Variants in HSD17B11 observed in about 807,000 individuals in gnomAD.
The protein encoded by HSD17B11 is estradiol 17-beta-dehydrogenase 11.
In HSD17B11, 22 loss-of-function variants were observed where a neutral mutation model predicts 27.8. The observed-to-expected ratio is 0.79, with a 90% CI of 0.56 to 1.13. The LOEUF is 1.13. Ranked by LOEUF, HSD17B11 falls within the 50% of genes most tolerant of loss-of-function variation. The pLI is 0.00. For missense variants in HSD17B11, 314 were observed against 351.1 expected, an observed-to-expected ratio of 0.89 and a Z score of 0.84; for synonymous variants, 117 against 132.8, an observed-to-expected ratio of 0.88 and a Z score of 0.82.
intron 4 of HSD17B11, among the ~76,000 whole-genome samples, chr4:87,370,443 GTC>G (rs1273656405): frequency 6.6e-6 from 1 of 151,850 alleles, no homozygotes; most frequent in Non-Finnish European, 1.5e-5. Context: ...TTGAGACGAA[GTC>G]TCTCTCTGTT....
At chr4:87,390,815 C>T (rs753861697) in intron 1 of HSD17B11, 46 bp downstream of exon 1, 1 of 1,554,634 alleles carries the variant, frequency 6.4e-7, no homozygotes, top group South Asian at 1.1e-5. Flanking sequence ...CAGACACATC[C>T]ACAAATTAAA....
Position 87,340,609 on chromosome 4 carries a change from GAA to G in HSD17B11, c.696-5_696-4del, listed in dbSNP as rs780427786. The stretch of plus-strand genomic sequence containing the variant: ...CAGGTTCCAGAGTGGGTCCCAAACT[GAA>G]ATCAGAGTCAGTCTTCAGAAACAAA... On this transcript the variant is annotated splice_region_variant and splice_polypyrimidine_tract_variant and intron_variant, in intron 5 of 6. Coordinates refer to ENST00000358290, the MANE Select transcript of HSD17B11 (RefSeq NM_016245.5). The G allele has an allele frequency of 6.3e-7, 1 of 1,593,636 alleles. No individual in the cohort carries two copies. Among genetic ancestry groups the G allele is most frequent in the South Asian group, 1.1e-5 (1 of 89,550 alleles).
intron 5 of HSD17B11, among the ~76,000 whole-genome samples, chr4:87,353,454 T>C (rs1735322413): frequency 6.6e-6 from 1 of 152,260 alleles, no homozygotes; most frequent in Admixed American, 6.5e-5. Context: ...AATAAGTTTC[T>C]ATATTAAAAC....
Position 87,364,816 on chromosome 4 carries a change from A to G in HSD17B11, c.558-7400T>C, listed in dbSNP as rs565207196. On this transcript the variant is annotated intron_variant, in intron 4 of 6. Coordinates refer to ENST00000358290, the MANE Select transcript of HSD17B11 (RefSeq NM_016245.5). ...GCTACTTATTTAGCCCTAGAAATGCATGCTGTCCCAGCTCTGTTCCTCCAA... is the reference window on the plus strand; with the variant it reads ...GCTACTTATTTAGCCCTAGAAATGCGTGCTGTCCCAGCTCTGTTCCTCCAA... Among the ~76,000 whole-genome samples, 10 of 152,324 alleles carry G rather than the reference A, an allele frequency of 6.6e-5. No individual in the cohort carries two copies. In the East Asian group the frequency reaches 1.9e-3, roughly 29 times the overall value.
At chr4:87,376,196 CT>C (rs1320848286) in intron 2 of HSD17B11, among the ~76,000 whole-genome samples, 1 of 152,144 alleles carries the variant, frequency 6.6e-6, no homozygotes, top group Non-Finnish European at 1.5e-5. Flanking sequence ...GCTCAGGTGT[CT>C]ATGAGGGTAC....
At chr4:87,373,705 C>G (rs1330966472) in intron 3 of HSD17B11, among the ~76,000 whole-genome samples, 1 of 151,636 alleles carries the variant, frequency 6.6e-6, no homozygotes, top group Non-Finnish European at 1.5e-5. Flanking sequence ...GAGACCCTGT[C>G]TCCAAACAAC....
intron 4 of HSD17B11, among the ~76,000 whole-genome samples, chr4:87,361,867 C>G (rs919132910): frequency 1.3e-5 from 2 of 152,162 alleles, no homozygotes; most frequent in African/African-American, 4.8e-5. Context: ...GATCGGGACC[C>G]CTTTCTGGTA....
chr4:87,366,803 T>G (rs1735620510), intron 4 of HSD17B11, among the ~76,000 whole-genome samples: 1 of 152,174 alleles, frequency 6.6e-6, no homozygotes, highest in Non-Finnish European at 1.5e-5. Flanking sequence ...GCTAATAACT[T>G]TAGAAATTGT....
In HSD17B11 at chr4:87,374,570, A is replaced by G. The variant is rs551252930; in HGVS notation, c.450+129T>C. 7.7e-6 allele frequency: 6 copies of G among 777,564 alleles called. No homozygotes were observed. The South Asian group carries it at 9.1e-5, about 12-fold the overall frequency. 48.2% of individuals were successfully genotyped at this position (777,564 alleles called of 1,614,324 possible). ...ATAGCATGAAAAATGATCTCTTTGT[A>G]TAATGTTATCCCTGGTGCCTGGAGA... On this transcript the variant is annotated intron_variant, in intron 3 of 6. Transcript: ENST00000358290.
At chr4:87,384,385 T>C (rs1242036277) in intron 1 of HSD17B11, among the ~76,000 whole-genome samples, 1 of 152,092 alleles carries the variant, frequency 6.6e-6, no homozygotes, top group African/African-American at 2.4e-5. Context: ...AAGAACAGAA[T>C]AACAGTGATT....
chr4:87,358,038 T>A (rs951824606), intron 4 of HSD17B11, among the ~76,000 whole-genome samples: 4 of 137,218 alleles, frequency 2.9e-5, no homozygotes, highest in Non-Finnish European at 6.1e-5. Flanking sequence ...CTCGGCTCAC[T>A]GCAAGCTCCG....
chr4:87,386,472 G>C (rs1219098655), intron 1 of HSD17B11, among the ~76,000 whole-genome samples: 1 of 152,054 alleles, frequency 6.6e-6, no homozygotes, highest in Non-Finnish European at 1.5e-5. Flanking sequence ...CAAAGTGCTG[G>C]GATTACAGGG....
At chr4:87,368,088 C>T (rs539471478) in intron 4 of HSD17B11, among the ~76,000 whole-genome samples, 13 of 152,088 alleles carry the variant, frequency 8.5e-5, no homozygotes, top group African/African-American at 2.4e-4. Context: ...GGGGCCGAGG[C>T]GGGTGGATCA....
chr4:87,343,788 T>A (rs1023180567), intron 5 of HSD17B11, among the ~76,000 whole-genome samples: 7 of 152,204 alleles, frequency 4.6e-5, no homozygotes, highest in African/African-American at 1.7e-4. Flanking sequence ...TCTCAGGTAA[T>A]CTGCCTGTCT....
chr4:87,385,906 C>T (rs949042114), intron 1 of HSD17B11: 14 of 142,216 alleles, frequency 9.8e-5, no homozygotes, highest in African/African-American at 3.9e-4. Context: ...CAGTGCGAGA[C>T]TCTATCTCAA....
At chr4:87,385,080 A>C (rs1030709731) in intron 1 of HSD17B11, among the ~76,000 whole-genome samples, 1 of 152,022 alleles carries the variant, frequency 6.6e-6, no homozygotes, top group African/African-American at 2.4e-5. Flanking sequence ...TTTTACTGAA[A>C]TCTCCCTCAC....
chr4:87,340,474 C>T lies in HSD17B11; in HGVS notation c.812+16G>A. On this transcript the variant is annotated intron_variant, in intron 6 of 6. Coordinates refer to ENST00000358290, the MANE Select transcript of HSD17B11 (RefSeq NM_016245.5). ...ATTTTACCTTTCATTTCTAAGGTTT[C>T]TTAACTGTCACTTACCTTTCCAATG... The T allele has an allele frequency of 6.7e-7, 1 of 1,486,240 alleles. No individual in the cohort carries two copies. The highest frequency in any genetic ancestry group is 9.2e-7 in the Non-Finnish European group (1 of 1,081,668). The allele number at this position is 1,486,240 out of a possible 1,614,324, so 92.1% of individuals were successfully genotyped here. A position where few individuals can be genotyped will look rare whatever the true frequency, so the allele number is the denominator to read the frequency against.
intron 4 of HSD17B11, among the ~76,000 whole-genome samples, chr4:87,362,533 AAATAT>A (rs1735537103): frequency 6.6e-6 from 1 of 152,128 alleles, no homozygotes. Flanking sequence ...CTCAAAAATA[AAATAT>A]AATAAAATAA....
chr4:87,380,470 C>CAAAAAAAAAAAAA (rs759061081), intron 2 of HSD17B11, among the ~76,000 whole-genome samples: 1 of 39,048 alleles, frequency 2.6e-5, no homozygotes, highest in African/African-American at 1.1e-4. Context: ...AAGACTGTCT[C>CAAAAAAAAAAAAA]AAAAAAAAAA....
Sources: gnomAD v4.1 joint callset for allele counts (sites outside exome capture counted in the v4.1 genomes callset) on GRCh38, gnomAD v4.1.1 for gene constraint, MANE v1.5 for transcripts, NCBI Gene and HGNC (gene_info 2026-07-23, HGNC 2026-07-21) for gene names.